CNTNAP2: variants seen among roughly 807,000 people sequenced by gnomAD.
CNTNAP2 encodes the protein contactin-associated protein-like 2.
CNTNAP2 carries 98 observed loss-of-function variants against 155.2 expected under a neutral mutation model. That is an observed-to-expected ratio of 0.63 (90% CI 0.54 to 0.75). The LOEUF (loss-of-function observed/expected upper bound fraction) is 0.75, where lower values mean the gene tolerates loss of function less well. Ranked by LOEUF, CNTNAP2 falls within the 30% of genes least tolerant of loss-of-function variation. CNTNAP2 has a pLI of 0.00. For synonymous variants in CNTNAP2, 651 were observed against 631.2 expected (o/e 1.03, Z -0.47); for missense variants, 1,727 against 1,688.1 (o/e 1.02, Z -0.40).
At chr7:147,297,276 G>A (rs1794847080) in intron 8 of CNTNAP2, among the ~76,000 whole-genome samples, 1 of 152,000 alleles carries the variant, frequency 6.6e-6, no homozygotes, top group Non-Finnish European at 1.5e-5. Flanking sequence ...GATTCATTCA[G>A]TTATTCATTC....
rs545904755 is a variant in CNTNAP2 at position 146,243,545 on chromosome 7, G to A, written c.97+126572G>A. 3.9e-5 allele frequency among the ~76,000 whole-genome samples: 6 copies of A among 152,222 alleles called. No homozygotes were observed. The South Asian group carries it at 1.0e-3, about 26-fold the overall frequency. ...ATGGTTTGTAAAGCAAAATATTGGG[G>A]TTTGTTGTATAGTGTTTACTTATTT... is the stretch of plus-strand genomic sequence containing the variant. On this transcript the variant is annotated intron_variant, in intron 1 of 23. Coordinates refer to ENST00000361727, the MANE Select transcript of CNTNAP2 (RefSeq NM_014141.6).
intron 1 of CNTNAP2, among the ~76,000 whole-genome samples, chr7:146,540,675 A>T (rs766007491): frequency 3.9e-5 from 6 of 152,058 alleles, no homozygotes; most frequent in Non-Finnish European, 8.8e-5. Flanking sequence ...GAAGCTGGCC[A>T]TTACCAATAC....
chr7:147,991,080 T>C (rs578204710), intron 15 of CNTNAP2, among the ~76,000 whole-genome samples: 40 of 152,218 alleles, frequency 2.6e-4, no homozygotes, highest in African/African-American at 9.2e-4. Flanking sequence ...CAAACACTCC[T>C]ATCACTTGAG....
intron 15 of CNTNAP2, among the ~76,000 whole-genome samples, chr7:147,995,997 G>C (rs867387442): frequency 2.2e-4 from 34 of 152,202 alleles, no homozygotes; most frequent in African/African-American, 8.0e-4. Flanking sequence ...AATTTTAAAA[G>C]AGAGACAATA....
At chr7:146,789,764 A>T (rs1802638331) in intron 2 of CNTNAP2, among the ~76,000 whole-genome samples, 1 of 151,802 alleles carries the variant, frequency 6.6e-6, no homozygotes. Flanking sequence ...CAGAAGCTGT[A>T]TTTTTAAAGT....
At chr7:146,824,324 CATAA>C (rs1209336545) in intron 2 of CNTNAP2, among the ~76,000 whole-genome samples, 2 of 151,990 alleles carry the variant, frequency 1.3e-5, no homozygotes, top group African/African-American at 2.4e-5. Context: ...TCTTTGCTAT[CATAA>C]ATAGTGTTGT....
intron 3 of CNTNAP2, among the ~76,000 whole-genome samples, chr7:146,847,650 T>C (rs945145719): frequency 2.6e-5 from 4 of 152,194 alleles, no homozygotes; most frequent in Non-Finnish European, 4.4e-5. Flanking sequence ...TTCCACTTTA[T>C]AATAACGTTT....
rs34229180 is a variant in CNTNAP2 at position 148,259,179 on chromosome 7, TAAAAAAAAAAAAA to T, written c.3382-7836_3382-7824del. ...GGGCAACAAAAGCAAAACTCCGTCT[TAAAAAAAAAAAAA>T]AAAAAAAAAAAAAAAAAGCCAGGCA... is the stretch of plus-strand genomic sequence containing the variant. On this transcript the variant is annotated intron_variant, in intron 20 of 23. Transcript: ENST00000361727. Among the ~76,000 whole-genome samples the T allele has an allele frequency of 5.2e-3, 124 of 24,030 alleles. 1 individual carries two copies. Among genetic ancestry groups the T allele is most frequent in the African/African-American group, 0.011 (61 of 5,564 alleles). 15.8% of individuals were successfully genotyped at this position (24,030 alleles called of 152,430 possible).
At chr7:147,271,585 T>G (rs1804754777) in intron 8 of CNTNAP2, among the ~76,000 whole-genome samples, 1 of 152,206 alleles carries the variant, frequency 6.6e-6, no homozygotes. Context: ...TATAGTTCTA[T>G]GTGGCTGGGG....
chr7:147,137,070 G>A (rs115839695), intron 8 of CNTNAP2, among the ~76,000 whole-genome samples: 6,448 of 151,618 alleles, frequency 0.043, 414 homozygotes, highest in African/African-American at 0.14. Flanking sequence ...TTAAATTTAA[G>A]TTTTTCTGAT....
chr7:146,154,661 A>G (rs1798098366), intron 1 of CNTNAP2, among the ~76,000 whole-genome samples: 2 of 152,322 alleles, frequency 1.3e-5, no homozygotes, highest in African/African-American at 4.8e-5. Context: ...CTACAGAAAC[A>G]TAGAAAGGGA....
intron 13 of CNTNAP2, among the ~76,000 whole-genome samples, chr7:147,862,178 G>T (rs1057044184): frequency 3.3e-5 from 5 of 152,036 alleles, no homozygotes; most frequent in African/African-American, 1.2e-4. Context: ...CATCAAAAAA[G>T]ATAATAGCCC....
At chr7:146,812,429 G>GTA (rs1368886847) in intron 2 of CNTNAP2, among the ~76,000 whole-genome samples, 29 of 143,054 alleles carry the variant, frequency 2.0e-4, no homozygotes, top group South Asian at 4.3e-4. Flanking sequence ...TCTTTTATAT[G>GTA]TATATATATA....
At chr7:147,613,117 C>T (rs1801218705) in intron 12 of CNTNAP2, among the ~76,000 whole-genome samples, 2 of 152,280 alleles carry the variant, frequency 1.3e-5, no homozygotes, top group South Asian at 4.1e-4. Context: ...CTCCAAGAAT[C>T]AGGGTATAGG....
chr7:147,707,064 G>A (rs1796327341), intron 13 of CNTNAP2, among the ~76,000 whole-genome samples: 2 of 151,640 alleles, frequency 1.3e-5, no homozygotes, highest in South Asian at 4.2e-4. Context: ...GTATTCTCTT[G>A]CATTTCACTG....
chr7:146,184,556 G>A (rs1425947892), intron 1 of CNTNAP2, among the ~76,000 whole-genome samples: 1 of 152,154 alleles, frequency 6.6e-6, no homozygotes, highest in Admixed American at 6.6e-5. Context: ...TTATTTTTGT[G>A]TTCTGCTCTA....
intron 11 of CNTNAP2, among the ~76,000 whole-genome samples, chr7:147,558,857 C>T (rs1800003968): frequency 6.6e-6 from 1 of 152,066 alleles, no homozygotes; most frequent in Non-Finnish European, 1.5e-5. Flanking sequence ...ATTCTCCTGC[C>T]TTAGCCTCCT....
At chr7:148,273,204 A>G (rs983243892) in intron 21 of CNTNAP2, among the ~76,000 whole-genome samples, 33 of 152,232 alleles carry the variant, frequency 2.2e-4, no homozygotes, top group African/African-American at 8.0e-4. Context: ...ACCAGATTAG[A>G]TATAGCCTAA....
At chr7:147,545,895 G>A (rs1380155284) in intron 11 of CNTNAP2, among the ~76,000 whole-genome samples, 4 of 152,206 alleles carry the variant, frequency 2.6e-5, no homozygotes, top group South Asian at 4.1e-4. Flanking sequence ...TACTATTCTC[G>A]TGGTAGTGAA....
Sources: allele counts gnomAD v4.1 joint callset (sites outside exome capture counted in the v4.1 genomes callset), GRCh38; gene constraint gnomAD v4.1.1; transcripts MANE v1.5; gene names NCBI Gene and HGNC (gene_info 2026-07-23, HGNC 2026-07-21).